The following APP variants were observed in gnomAD, a reference collection of about 807,000 sequenced individuals.
The protein encoded by APP is amyloid beta precursor protein, also known as amyloid-beta precursor protein.
A neutral mutation model predicts 101.4 loss-of-function variants in APP; 31 were observed. The ratio of observed to expected loss-of-function variants is 0.31; its 90% CI spans 0.23 to 0.41. The LOEUF (loss-of-function observed/expected upper bound fraction) is 0.41, where lower values mean the gene tolerates loss of function less well. APP is among the 10% of genes least tolerant of loss of function. APP has a pLI of 1.00. For synonymous variants in APP, 366 were observed against 364.4 expected, an observed-to-expected ratio of 1.00 and a Z score of -0.05; for missense variants, 839 against 1,003.7, an observed-to-expected ratio of 0.84 and a Z score of 2.22.
intron 1 of APP, among the ~76,000 whole-genome samples, chr21:26,138,965 A>C (rs1402821453): frequency 6.6e-6 from 1 of 152,154 alleles, no homozygotes; most frequent in Non-Finnish European, 1.5e-5. Flanking sequence ...TTGCAGTTTT[A>C]TGTAGACTGG....
At chr21:26,021,691 A>G in intron 6 of APP, 149 bp downstream of exon 6, 1 of 1,202,036 alleles carries the variant, frequency 8.3e-7, no homozygotes, top group South Asian at 1.5e-5. Flanking sequence ...GTTAAACCAA[A>G]AAAATTTCAC....
At chr21:25,907,311 G>A (rs2038844330) in intron 14 of APP, among the ~76,000 whole-genome samples, 1 of 152,040 alleles carries the variant, frequency 6.6e-6, no homozygotes, top group Non-Finnish European at 1.5e-5. Flanking sequence ...CAAAAAATAA[G>A]TAGCTCAGGG....
intron 16 of APP, among the ~76,000 whole-genome samples, chr21:25,895,214 C>T (rs1272315266): frequency 2.0e-5 from 3 of 149,126 alleles, no homozygotes; most frequent in Non-Finnish European, 4.4e-5. Flanking sequence ...GCTCTTGTTG[C>T]CCAGGCTGGA....
intron 3 of APP, among the ~76,000 whole-genome samples, chr21:26,085,571 T>C (rs1308426544): frequency 6.6e-6 from 1 of 152,196 alleles, no homozygotes; most frequent in African/African-American, 2.4e-5. Flanking sequence ...TGTTTTTCCA[T>C]CCTCATCGCC....
chr21:25,954,676 A>C lies in APP; in HGVS notation c.1601T>G (p.Leu534Arg). Reference protein sequence around the residue: ...AQIRSQVMTHLRVIYERMNQS... With the variant: ...AQIRSQVMTHRRVIYERMNQS... ...ATTCATGCGCTCATAAATCACACGG[A>C]GGTGTGTCATAACCTGCATCAAAGG... Residue 534 changes from leucine to arginine, a missense_variant, in exon 13 of 18, where the codon CTC becomes CGC. Physicochemically the swap from Leu to Arg is moderately radical, Grantham distance 102. Coordinates refer to ENST00000346798, the MANE Select transcript of APP (RefSeq NM_000484.4). 6.2e-7 allele frequency: 1 copy of C among 1,613,826 alleles called. No individual in the cohort carries two copies. Among genetic ancestry groups the C allele is most frequent in the Non-Finnish European group, 8.5e-7 (1 of 1,179,786 alleles).
chr21:26,129,569 T>C (rs2062751387), intron 1 of APP, among the ~76,000 whole-genome samples: 1 of 152,102 alleles, frequency 6.6e-6, no homozygotes, highest in African/African-American at 2.4e-5. Flanking sequence ...CACTTAGCGA[T>C]ATAAACGTGA....
chr21:25,897,173 C>T (rs2146262014), intron 16 of APP, among the ~76,000 whole-genome samples: 1 of 151,840 alleles, frequency 6.6e-6, no homozygotes, highest in African/African-American at 2.4e-5. Flanking sequence ...GTCGCCTAGG[C>T]ACGATCTCAG....
chr21:25,952,183 TACA>T (rs1842080025), intron 13 of APP, among the ~76,000 whole-genome samples: 1 of 120,386 alleles, frequency 8.3e-6, no homozygotes, highest in East Asian at 2.5e-4. Context: ...GAGAGCATAT[TACA>T]TACATACACA....
chr21:26,064,239 T>C (rs1287407014), intron 3 of APP, among the ~76,000 whole-genome samples: 3 of 152,178 alleles, frequency 2.0e-5, no homozygotes, highest in African/African-American at 7.2e-5. Context: ...GACATCTGAA[T>C]AAAGTATAGA....
At chr21:25,983,002 A>G (rs76800840) in intron 8 of APP, among the ~76,000 whole-genome samples, 2 of 133,402 alleles carry the variant, frequency 1.5e-5, no homozygotes, top group South Asian at 2.5e-4. Context: ...GACAGTATGG[A>G]AACACGACAA....
At chr21:26,145,829 A>AT (rs1334231906) in intron 1 of APP, among the ~76,000 whole-genome samples, 1 of 152,144 alleles carries the variant, frequency 6.6e-6, no homozygotes, top group Non-Finnish European at 1.5e-5. Flanking sequence ...GTTTTCACTT[A>AT]TATCGGTATG....
chr21:26,169,697 G>C (rs1006908742), intron 1 of APP, among the ~76,000 whole-genome samples: 5 of 152,242 alleles, frequency 3.3e-5, no homozygotes, highest in Admixed American at 3.3e-4. Context: ...CGGGAGCCTC[G>C]GTGGCGCACT....
intron 3 of APP, among the ~76,000 whole-genome samples, chr21:26,084,809 C>A (rs1335410520): frequency 6.6e-6 from 1 of 152,128 alleles, no homozygotes; most frequent in Non-Finnish European, 1.5e-5. Context: ...TTTATTTTGG[C>A]ATCATGGTGT....
At chr21:25,952,876 G>C (rs1173317612) in intron 13 of APP, among the ~76,000 whole-genome samples, 3 of 152,094 alleles carry the variant, frequency 2.0e-5, no homozygotes, top group Non-Finnish European at 4.4e-5. Flanking sequence ...TTAATACATA[G>C]TATTTTAAAG....
chr21:25,946,706 AAAGT>A (rs2040838554), intron 13 of APP, among the ~76,000 whole-genome samples: 1 of 152,144 alleles, frequency 6.6e-6, no homozygotes, highest in African/African-American at 2.4e-5. Flanking sequence ...TAAAATTAAG[AAAGT>A]AAGGTAAACA....
chr21:26,030,848 G>C (rs978188566), intron 5 of APP, among the ~76,000 whole-genome samples: 1 of 152,198 alleles, frequency 6.6e-6, no homozygotes, highest in African/African-American at 2.4e-5. Context: ...TTTGGGTGGA[G>C]AGTTGGAAGT....
At chr21:26,061,734 AG>A (rs1164178116) in intron 3 of APP, among the ~76,000 whole-genome samples, 1 of 152,262 alleles carries the variant, frequency 6.6e-6, no homozygotes, top group East Asian at 1.9e-4. Flanking sequence ...GAGAACTGAC[AG>A]ATGGGATTCT....
chr21:25,888,823 C>T (rs2037509195), intron 17 of APP, among the ~76,000 whole-genome samples: 1 of 152,176 alleles, frequency 6.6e-6, no homozygotes, highest in Non-Finnish European at 1.5e-5. Flanking sequence ...TAAAAGGCAA[C>T]CGGTTATCTG....
Position 26,023,373 on chromosome 21 carries a change from T to TTAAA in APP, c.663-1332_663-1331insTTTA, listed in dbSNP as rs71327996. 4.9e-3 allele frequency among the ~76,000 whole-genome samples: 535 copies of TTAAA among 109,804 alleles called. 3 individuals carry two copies. Among genetic ancestry groups the TTAAA allele is most frequent in the African/African-American group, 0.017 (512 of 29,298 alleles). The allele number at this position is 109,804 out of a possible 152,430, so 72.0% of individuals were successfully genotyped here. On this transcript the variant is annotated intron_variant, in intron 5 of 17. Transcript: ENST00000346798. The stretch of plus-strand genomic sequence containing the variant: ...GGTGAGACCCTGTCTCCAAAAAAAT[T>TTAAA]AAAAAAAAAAAAAAAAAAAAGCCAG...
Sources: gnomAD v4.1 joint callset for allele counts (sites outside exome capture counted in the v4.1 genomes callset) on GRCh38, gnomAD v4.1.1 for gene constraint, MANE v1.5 for transcripts, NCBI Gene and HGNC (gene_info 2026-07-23, HGNC 2026-07-21) for gene names.